DCTD: variants seen among roughly 807,000 people sequenced by gnomAD.
DCTD encodes the protein dCMP deaminase.
DCTD carries 23 observed loss-of-function variants against 21.0 expected under a neutral mutation model. The ratio of observed to expected loss-of-function variants is 1.09; its 90% CI spans 0.79 to 1.55. The LOEUF is 1.55. Among genes scored for constraint, DCTD ranks in the 40% most tolerant of loss-of-function variants. The probability of loss-of-function intolerance (pLI) is 0.00; values close to 1 mark genes in which losing one functional copy is unlikely to be tolerated. For synonymous variants in DCTD, 71 were observed against 81.1 expected, an observed-to-expected ratio of 0.88 and a Z score of 0.67; for missense variants, 224 against 230.0, an observed-to-expected ratio of 0.97 and a Z score of 0.17.
intron 3 of DCTD, among the ~76,000 whole-genome samples, chr4:182,904,378 TAA>T (rs1369745241): frequency 6.6e-6 from 1 of 152,190 alleles, no homozygotes; most frequent in East Asian, 1.9e-4. Context: ...ACGTGATGCC[TAA>T]AATGCGTGAC....
At chr4:182,899,939 G>A (rs896171641) in intron 3 of DCTD, among the ~76,000 whole-genome samples, 1 of 152,084 alleles carries the variant, frequency 6.6e-6, no homozygotes, top group Non-Finnish European at 1.5e-5. Context: ...TACTTACCAG[G>A]TGAGCATCCC....
Position 182,891,304 on chromosome 4 carries a change from T to A in DCTD, c.*95A>T. On this transcript the variant is annotated 3_prime_UTR_variant, in exon 6 of 6. Transcript: ENST00000438320. ...AGATGCCTACTTTTGCCATACTGGCTAGTAAGAAGTTATGTGTAACTTCAA... is the reference window on the plus strand; with the variant it reads ...AGATGCCTACTTTTGCCATACTGGCAAGTAAGAAGTTATGTGTAACTTCAA... 1 of 834,970 alleles carries A rather than the reference T, an allele frequency of 1.2e-6. No homozygotes were observed. 51.7% of individuals were successfully genotyped at this position (834,970 alleles called of 1,614,324 possible). A position where few individuals can be genotyped will look rare whatever the true frequency, so the allele number is the denominator to read the frequency against.
At position 182,916,792 on chromosome 4, in the gene DCTD, T is replaced by A. The variant is rs535445792; in HGVS notation, c.-8+519A>T. 1,322 of 1,124,164 alleles carry A rather than the reference T, an allele frequency of 1.2e-3. 4 individuals are homozygous for A. The highest frequency in any genetic ancestry group is 6.7e-3 in the Middle Eastern group (27 of 4,010). The allele number at this position is 1,124,164 out of a possible 1,614,324, so 69.6% of individuals were successfully genotyped here. A position where few individuals can be genotyped will look rare whatever the true frequency, so the allele number is the denominator to read the frequency against. On this transcript the variant is annotated intron_variant, in intron 1 of 5. Coordinates refer to ENST00000438320, the MANE Select transcript of DCTD (RefSeq NM_001921.3). ...GCAGGAGAGGGAAGGGTCCTGTTAATCCCCTGGGCGCCTTCTCCTGGTGTG... is the reference window on the plus strand; with the variant it reads ...GCAGGAGAGGGAAGGGTCCTGTTAAACCCCTGGGCGCCTTCTCCTGGTGTG...
chr4:182,896,206 A>G (rs1435891863), intron 3 of DCTD, among the ~76,000 whole-genome samples: 1 of 152,186 alleles, frequency 6.6e-6, no homozygotes, highest in Non-Finnish European at 1.5e-5. Context: ...TTTACTGAGC[A>G]CGTACTCTGG....
At chr4:182,911,748 C>T (rs1010096820) in intron 3 of DCTD, among the ~76,000 whole-genome samples, 1 of 152,192 alleles carries the variant, frequency 6.6e-6, no homozygotes, top group African/African-American at 2.4e-5. Context: ...CTGGATAAAT[C>T]CCATGTCCAG....
intron 3 of DCTD, among the ~76,000 whole-genome samples, chr4:182,914,616 G>C (rs1738357888): frequency 6.6e-6 from 1 of 152,194 alleles, no homozygotes; most frequent in Non-Finnish European, 1.5e-5. Context: ...ACCCTCTGCA[G>C]AGACGCCGAC....
chr4:182,891,895 C>T (rs536496752), intron 5 of DCTD, among the ~76,000 whole-genome samples: 14 of 151,506 alleles, frequency 9.2e-5, no homozygotes, highest in South Asian at 2.1e-4. Context: ...TAGCAAAAAA[C>T]GACTACCTTT....
chr4:182,915,428 GTATC>G, intron 2 of DCTD, 29 bp downstream of exon 2: 1 of 1,347,540 alleles, frequency 7.4e-7, no homozygotes, highest in Non-Finnish European at 1.1e-6. Context: ...TTGCCTGTGA[GTATC>G]TAAGCATTCT....
At chr4:182,893,234 T>C in intron 4 of DCTD, 107 bp from the exon 5 acceptor site, 1 of 730,586 alleles carries the variant, frequency 1.4e-6, no homozygotes, top group Non-Finnish European at 2.5e-6. Flanking sequence ...AATGACCTTT[T>C]CTGAGTGTGC....
At chr4:182,898,579 T>C (rs1192146832) in intron 3 of DCTD, among the ~76,000 whole-genome samples, 4 of 152,074 alleles carry the variant, frequency 2.6e-5, no homozygotes, top group African/African-American at 9.7e-5. Context: ...AAACACGGCC[T>C]CCTCTCCCCA....
chr4:182,917,453 G>T, upstream of DCTD: 1 of 609,248 alleles, frequency 1.6e-6, no homozygotes, highest in Non-Finnish European at 2.1e-6. This position sits in a 1 kb window ranked among gnomAD's most constrained non-coding sequence, Gnocchi z 4.9. Flanking sequence ...CAGGACGGCG[G>T]CTGGCCCCGG....
intron 3 of DCTD, among the ~76,000 whole-genome samples, chr4:182,898,890 G>C (rs1735218054): frequency 6.6e-6 from 1 of 152,162 alleles, no homozygotes. Context: ...TCAGTTCAAT[G>C]AGTTACACCA....
At chr4:182,916,408 G>A (rs1378284447) in intron 1 of DCTD, 3 of 985,510 alleles carry the variant, frequency 3.0e-6, no homozygotes, top group Non-Finnish European at 3.6e-6. Context: ...ACACAAAAAC[G>A]GGGTGGGTAC....
intron 1 of DCTD, chr4:182,916,961 T>C: frequency 1.0e-6 from 1 of 995,706 alleles, no homozygotes; most frequent in Non-Finnish European, 1.2e-6. Flanking sequence ...CCGTCAGCTC[T>C]GATCCAGGGC....
intron 3 of DCTD, among the ~76,000 whole-genome samples, chr4:182,913,431 T>C (rs1738078124): frequency 6.6e-6 from 1 of 152,246 alleles, no homozygotes; most frequent in Non-Finnish European, 1.5e-5. Context: ...TAACTTTTTC[T>C]TTCAAACATG....
chr4:182,900,260 G>A (rs1159240342), intron 3 of DCTD, among the ~76,000 whole-genome samples: 2 of 152,152 alleles, frequency 1.3e-5, no homozygotes, highest in South Asian at 2.1e-4. Context: ...AGGCTGCAGT[G>A]AGCTGTGTTT....
chr4:182,908,699 AAAAAAAG>A (rs1737161448), intron 3 of DCTD, among the ~76,000 whole-genome samples: 1 of 150,394 alleles, frequency 6.6e-6, no homozygotes, highest in Non-Finnish European at 1.5e-5. Flanking sequence ...AAAAAAAAAA[AAAAAAAG>A]AAGAAGAAGA....
At chr4:182,904,827 C>T (rs1210025224) in intron 3 of DCTD, among the ~76,000 whole-genome samples, 1 of 152,162 alleles carries the variant, frequency 6.6e-6, no homozygotes, top group Non-Finnish European at 1.5e-5. Context: ...GTCTGCTGTC[C>T]TCCCACCTCC....
At chr4:182,905,427 C>G (rs903962033) in intron 3 of DCTD, among the ~76,000 whole-genome samples, 1 of 150,070 alleles carries the variant, frequency 6.7e-6, no homozygotes, top group Non-Finnish European at 1.5e-5. Context: ...CTCCCAGTTT[C>G]AAGCAATTCT....
Sources: allele counts gnomAD v4.1 joint callset (sites outside exome capture counted in the v4.1 genomes callset), GRCh38; gene constraint gnomAD v4.1.1; non-coding constraint Gnocchi (gnomAD v3.1); transcripts MANE v1.5; gene names NCBI Gene and HGNC (gene_info 2026-07-23, HGNC 2026-07-21).